TAB3: variants seen among roughly 807,000 people sequenced by gnomAD.
The protein encoded by TAB3 is TGF-beta-activated kinase 1 and MAP3K7-binding protein 3.
TAB3 carries 18 observed loss-of-function variants against 48.1 expected under a neutral mutation model. The ratio of observed to expected loss-of-function variants is 0.37; its 90% CI spans 0.26 to 0.55. TAB3 has a LOEUF of 0.55. Among genes scored for constraint, TAB3 ranks in the 20% least tolerant of loss-of-function variants. The probability of loss-of-function intolerance (pLI) is 0.78; values close to 1 mark genes in which losing one functional copy is unlikely to be tolerated. For synonymous variants in TAB3, 185 were observed against 190.2 expected (o/e 0.97, Z 0.22); for missense variants, 414 against 549.8 (o/e 0.75, Z 2.47).
intron 7 of TAB3, among the ~76,000 whole-genome samples, chrX:30,848,152 T>TG (rs1416141218): frequency 9.0e-6 from 1 of 111,371 alleles, no homozygotes; most frequent in East Asian, 2.8e-4. Flanking sequence ...TTTAGGGAGT[T>TG]GGGGGCAAGA....
intron 7 of TAB3, among the ~76,000 whole-genome samples, chrX:30,848,207 A>G: frequency 9.0e-6 from 1 of 111,703 alleles, no homozygotes. Context: ...AGCAGCCACC[A>G]CACAGTTGCT....
At chrX:30,857,572 G>C (rs1289550213) in intron 5 of TAB3, among the ~76,000 whole-genome samples, 1 of 110,936 alleles carries the variant, frequency 9.0e-6, no homozygotes, top group Non-Finnish European at 1.9e-5. Flanking sequence ...TCTCTACACT[G>C]AGTTAGCCTA....
In TAB3 at chrX:30,831,374, C is replaced by T; in HGVS notation, c.*53G>A. ...GAATAGAGTCCCGAGGTTTCCTTTT[C>T]TTCTGGTAGTGCTCAAAGTTTCACT... On this transcript the variant is annotated 3_prime_UTR_variant, in exon 11 of 11. Coordinates refer to ENST00000288422, the MANE Select transcript of TAB3 (RefSeq NM_152787.5). 1.7e-6 allele frequency: 2 copies of T among 1,169,311 alleles called. No homozygotes were observed. The highest frequency in any genetic ancestry group is 2.5e-4 in the Middle Eastern group (1 of 4,030).
rs1319894452 is a variant in TAB3 at position 30,830,301 on chromosome X, G to A, written c.*1126C>T. 7 of 111,908 alleles carry A rather than the reference G, an allele frequency of 6.3e-5. No homozygotes were observed. The highest frequency in any genetic ancestry group is 2.8e-4 in the East Asian group (1 of 3,597). 9.2% of individuals were successfully genotyped at this position (111,908 alleles called of 1,213,427 possible). ...AAATAATGCAGTGTGCAACTTTGTC[G>A]TTGGCCAACTGTAATTCCCCTCACA... On this transcript the variant is annotated 3_prime_UTR_variant, in exon 11 of 11. Coordinates refer to ENST00000288422, the MANE Select transcript of TAB3 (RefSeq NM_152787.5).
chrX:30,855,775 A>T (rs989067096), intron 5 of TAB3, among the ~76,000 whole-genome samples: 3 of 112,020 alleles, frequency 2.7e-5, no homozygotes, highest in Non-Finnish European at 5.6e-5. Context: ...CATTACTAGT[A>T]CTACCACTAC....
chrX:30,846,135 T>G (rs1938614592), intron 8 of TAB3: 1 of 827,116 alleles, frequency 1.2e-6, no homozygotes, highest in Non-Finnish European at 1.5e-6. Flanking sequence ...TAACATAACA[T>G]GAAAAATAAC....
At chrX:30,859,931 A>C (rs1939205008) in intron 4 of TAB3, among the ~76,000 whole-genome samples, 1 of 109,950 alleles carries the variant, frequency 9.1e-6, no homozygotes, top group African/African-American at 3.3e-5. Flanking sequence ...ATTTAAAAAA[A>C]AAAAACAAAA....
At chrX:30,881,360 T>G (rs961236932) in intron 1 of TAB3, among the ~76,000 whole-genome samples, 1 of 109,612 alleles carries the variant, frequency 9.1e-6, no homozygotes, top group Non-Finnish European at 1.9e-5. Flanking sequence ...GGTTTTTTGT[T>G]TTTTTTTTAA....
At chrX:30,886,225 G>A (rs1384740400) in intron 1 of TAB3, among the ~76,000 whole-genome samples, 1 of 111,873 alleles carries the variant, frequency 8.9e-6, no homozygotes, top group Non-Finnish European at 1.9e-5. Context: ...AAACTTATAA[G>A]TAGATATGAG....
chrX:30,868,623 T>C (rs1285506621), intron 2 of TAB3, among the ~76,000 whole-genome samples: 2 of 54,825 alleles, frequency 3.6e-5, no homozygotes, highest in African/African-American at 1.4e-4. Flanking sequence ...AGAGAGCGCG[T>C]GGGGGGGAGA....
At chrX:30,885,321 A>G (rs188479949) in intron 1 of TAB3, among the ~76,000 whole-genome samples, 1 of 112,636 alleles carries the variant, frequency 8.9e-6, no homozygotes, top group African/African-American at 3.2e-5. Context: ...CTAAATGTCC[A>G]AAAGGTTACA....
intron 7 of TAB3, among the ~76,000 whole-genome samples, chrX:30,849,387 G>C (rs983152751): frequency 8.9e-6 from 1 of 112,453 alleles, no homozygotes; most frequent in African/African-American, 3.2e-5. Flanking sequence ...AATGTGCACT[G>C]CAGTATCATT....
rs1272655394 is a variant in TAB3 at position 30,877,029 on chromosome X, G to A, written c.-382-5228C>T. Among the ~76,000 whole-genome samples the A allele has an allele frequency of 4.5e-5, 5 of 111,702 alleles. No individual in the cohort carries two copies. In the Admixed American group the frequency reaches 4.7e-4, roughly 11 times the overall value. ...TGATGAAACCTGTCAAACCACATGT[G>A]TAACAATCTCAATGAATTCCTACCA... On this transcript the variant is annotated intron_variant, in intron 1 of 10. Coordinates refer to ENST00000288422, the MANE Select transcript of TAB3 (RefSeq NM_152787.5).
Position 30,846,570 on chromosome X carries a change from A to G in TAB3, c.1785T>C (p.Val595=). The G allele has an allele frequency of 8.3e-7, 1 of 1,199,547 alleles. No homozygotes were observed. The highest frequency in any genetic ancestry group is 1.1e-6 in the Non-Finnish European group (1 of 886,643). Residue 595 remains valine (V), a synonymous_variant, in exon 8 of 11, where the codon GTT becomes GTC. Transcript: ENST00000288422. ...QINVDCTLKE[V]DLLQSRGNFD... ...CTATACCTCTAGATTGAAGGAGGTC[A>G]ACTTCTTTCAGTGTACAGTCAACAT...
chrX:30,843,925 G>A (rs1358493201), intron 8 of TAB3: 1 of 110,963 alleles, frequency 9.0e-6, no homozygotes, highest in Non-Finnish European at 1.9e-5. Context: ...AGAAGATGCT[G>A]TATGGTACTA....
rs1397073315 is a variant in TAB3, at chrX:30,852,749, C to CT, written c.1710+28dup. On this transcript the variant is annotated intron_variant, in intron 7 of 10. Coordinates refer to ENST00000288422, the MANE Select transcript of TAB3 (RefSeq NM_152787.5). ...CCTGACAGCCAATATCCCGACCCTC[C>CT]TATTAACACATCCTAACAGATCACT... 8 of 1,173,224 alleles carry CT rather than the reference C, an allele frequency of 6.8e-6. No homozygotes were observed. In the African/African-American group the frequency reaches 1.4e-4, roughly 21 times the overall value.
At chrX:30,855,649 A>C in intron 5 of TAB3, 87 bp from the exon 6 acceptor site, 2 of 899,172 alleles carry the variant, frequency 2.2e-6, no homozygotes, top group Non-Finnish European at 3.1e-6. Flanking sequence ...AGTTATGCAA[A>C]TACTACTGTC....
chrX:30,852,576 C>T (rs1279870840), intron 7 of TAB3, among the ~76,000 whole-genome samples: 1 of 110,835 alleles, frequency 9.0e-6, no homozygotes, highest in Non-Finnish European at 1.9e-5. Context: ...TACTGATGAG[C>T]CTATGGAATC....
At chrX:30,834,430 T>C (rs1226678940) in intron 9 of TAB3, among the ~76,000 whole-genome samples, 1 of 112,050 alleles carries the variant, frequency 8.9e-6, no homozygotes, top group African/African-American at 3.2e-5. Context: ...TACTTTTTAA[T>C]GGATTAGGGG....
Sources: gnomAD v4.1 joint callset for allele counts (sites outside exome capture counted in the v4.1 genomes callset) on GRCh38, gnomAD v4.1.1 for gene constraint, MANE v1.5 for transcripts, NCBI Gene and HGNC (gene_info 2026-07-23, HGNC 2026-07-21) for gene names.